Variants in LGSN observed in about 807,000 individuals in gnomAD.
LGSN encodes lengsin, lens protein with glutamine synthetase domain.
Under a neutral mutation model 19.5 loss-of-function variants are expected in LGSN, and 21 were observed. The observed-to-expected ratio is 1.07, with a 90% CI of 0.76 to 1.55. The LOEUF is 1.55. Ranked by LOEUF, LGSN falls within the 40% of genes most tolerant of loss-of-function variation. The pLI, the probability that LGSN is intolerant of heterozygous loss-of-function variation, is 0.00. For synonymous variants in LGSN, 257 were observed against 215.6 expected, an observed-to-expected ratio of 1.19 and a Z score of -1.68; for missense variants, 673 against 608.5, an observed-to-expected ratio of 1.11 and a Z score of -1.12.
At chr6:63,535,109 T>A in the LGSN span, among the ~76,000 whole-genome samples, 13,184 of 151,954 alleles carry the variant, frequency 0.087, 617 homozygotes, top group East Asian at 0.16. Context: ...TAAACAGTAT[T>A]TTAGGTAATA....
the LGSN span, among the ~76,000 whole-genome samples, chr6:63,489,169 G>C: frequency 6.6e-6 from 1 of 152,090 alleles, no homozygotes; most frequent in African/African-American, 2.4e-5. Flanking sequence ...AAAAATCATA[G>C]AACACTTTAA....
the LGSN span, among the ~76,000 whole-genome samples, chr6:63,399,386 C>G: frequency 1.3e-5 from 2 of 149,970 alleles, no homozygotes; most frequent in Non-Finnish European, 2.9e-5. Context: ...AAACACACAA[C>G]AGTACTAATT....
the LGSN span, among the ~76,000 whole-genome samples, chr6:63,389,557 C>A: frequency 6.6e-6 from 1 of 152,176 alleles, no homozygotes; most frequent in South Asian, 2.1e-4. Context: ...CTGTGTTTAA[C>A]CTTAAGGAAA....
the LGSN span, among the ~76,000 whole-genome samples, chr6:63,390,123 T>TTC: frequency 2.3e-4 from 29 of 125,928 alleles, no homozygotes; most frequent in Admixed American, 3.2e-4. Flanking sequence ...TCTTTCTTTT[T>TTC]TTTTTTTTTT....
the LGSN span, among the ~76,000 whole-genome samples, chr6:63,569,035 T>C: frequency 1.3e-5 from 2 of 152,228 alleles, no homozygotes; most frequent in African/African-American, 4.8e-5. Context: ...ACTCTTGCTA[T>C]GTTAAATGTT....
At chr6:63,368,632 T>G in the LGSN span, among the ~76,000 whole-genome samples, 8 of 152,328 alleles carry the variant, frequency 5.3e-5, no homozygotes, top group Admixed American at 2.6e-4. Flanking sequence ...GTGTTCTTAC[T>G]TCCCTCGTCT....
the LGSN span, among the ~76,000 whole-genome samples, chr6:63,483,526 C>A: frequency 1.3e-5 from 2 of 152,080 alleles, no homozygotes; most frequent in East Asian, 3.9e-4. Flanking sequence ...CCACCACGCC[C>A]GGCTAATTTT....
rs1202653640 is a variant in LGSN, at chr6:63,293,716, G to A, written c.163+1197C>T. 5 of 456,434 alleles carry A rather than the reference G, an allele frequency of 1.1e-5. No individual in the cohort carries two copies. The Admixed American group carries it at 1.2e-4, about 11-fold the overall frequency. 28.3% of individuals were successfully genotyped at this position (456,434 alleles called of 1,614,324 possible). Reference sequence around the variant, plus strand: ...CCAGGAACATTGGTTGTTGTTCTGGGGGGCAAAGGTTTTATCACTGTTGTC... The same window carrying A: ...CCAGGAACATTGGTTGTTGTTCTGGAGGGCAAAGGTTTTATCACTGTTGTC... On this transcript the variant is annotated intron_variant, in intron 2 of 3. Transcript: ENST00000370657.
chr6:63,327,114 T>C, the LGSN span, among the ~76,000 whole-genome samples: 3 of 152,226 alleles, frequency 2.0e-5, no homozygotes, highest in Non-Finnish European at 2.9e-5. Context: ...GAAGGGGCCC[T>C]GCAGTTGTAG....
At chr6:63,349,584 A>G in the LGSN span, among the ~76,000 whole-genome samples, 1 of 152,150 alleles carries the variant, frequency 6.6e-6, no homozygotes, top group Non-Finnish European at 1.5e-5. Context: ...AGAGATTCAA[A>G]CTATGATTGC....
chr6:63,510,995 G>A, the LGSN span, among the ~76,000 whole-genome samples: 1 of 151,562 alleles, frequency 6.6e-6, no homozygotes, highest in Non-Finnish European at 1.5e-5. Flanking sequence ...TTATTTAGAG[G>A]AGCAGCTAGA....
chr6:63,297,642 A>G (rs1768028102), intron 1 of LGSN, among the ~76,000 whole-genome samples: 1 of 152,194 alleles, frequency 6.6e-6, no homozygotes, highest in African/African-American at 2.4e-5. Flanking sequence ...ATGATGCTTC[A>G]GTAAAAAACT....
At chr6:63,409,372 T>G in the LGSN span, among the ~76,000 whole-genome samples, 1 of 152,232 alleles carries the variant, frequency 6.6e-6, no homozygotes, top group Admixed American at 6.5e-5. Context: ...AAGATAGTTT[T>G]ACATATATCT....
the LGSN span, among the ~76,000 whole-genome samples, chr6:63,330,842 A>T: frequency 2.0e-5 from 3 of 152,204 alleles, no homozygotes; most frequent in African/African-American, 4.8e-5. Context: ...CTAAAGCTGC[A>T]TTCTTTTCAT....
chr6:63,363,526 C>A, the LGSN span, among the ~76,000 whole-genome samples: 1 of 152,128 alleles, frequency 6.6e-6, no homozygotes, highest in Non-Finnish European at 1.5e-5. Flanking sequence ...GAGCTGAAAA[C>A]CATGGCATGA....
At chr6:63,531,096 G>A in the LGSN span, among the ~76,000 whole-genome samples, 1 of 152,144 alleles carries the variant, frequency 6.6e-6, no homozygotes, top group Non-Finnish European at 1.5e-5. Flanking sequence ...GATAGATCAG[G>A]TTTCAAGCAC....
chr6:63,558,418 T>C, the LGSN span, among the ~76,000 whole-genome samples: 1 of 152,106 alleles, frequency 6.6e-6, no homozygotes, highest in Non-Finnish European at 1.5e-5. Flanking sequence ...TAGAATGTGG[T>C]AGCCAGTCAG....
At chr6:63,489,025 G>C in the LGSN span, among the ~76,000 whole-genome samples, 2 of 152,086 alleles carry the variant, frequency 1.3e-5, no homozygotes, top group Non-Finnish European at 2.9e-5. Context: ...AAATATAGCA[G>C]ATATCAAAGC....
chr6:63,406,234 GCACCA>G, the LGSN span, among the ~76,000 whole-genome samples: 1 of 152,012 alleles, frequency 6.6e-6, no homozygotes, highest in Non-Finnish European at 1.5e-5. Context: ...ATTTTTTTCA[GCACCA>G]CACCACACCT....
Sources: gnomAD v4.1 joint callset for allele counts (sites outside exome capture counted in the v4.1 genomes callset) on GRCh38, gnomAD v4.1.1 for gene constraint, MANE v1.5 for transcripts, NCBI Gene and HGNC (gene_info 2026-07-23, HGNC 2026-07-21) for gene names.